The following ZNF730 variants were observed in gnomAD, a reference collection of about 807,000 sequenced individuals.
ZNF730 encodes putative zinc finger protein 730.
ZNF730 carries 12 observed loss-of-function variants against 12.6 expected under a neutral mutation model. That is an observed-to-expected ratio of 0.95 (90% CI 0.61 to 1.54). ZNF730 has a LOEUF of 1.54. Among genes scored for constraint, ZNF730 ranks in the 40% most tolerant of loss-of-function variants. The pLI is 0.00. For missense variants in ZNF730, 643 were observed against 583.5 expected, an observed-to-expected ratio of 1.10 and a Z score of -1.05; for synonymous variants, 194 against 195.8, an observed-to-expected ratio of 0.99 and a Z score of 0.08.
chr19:23,126,205 C>G (rs1009087065), intron 1 of ZNF730, among the ~76,000 whole-genome samples: 3 of 152,082 alleles, frequency 2.0e-5, no homozygotes, highest in African/African-American at 7.2e-5. Flanking sequence ...ACAATGCATT[C>G]TGAAAAGGTT....
chr19:23,113,265 C>A (rs1460187924), upstream of ZNF730, among the ~76,000 whole-genome samples: 4 of 152,202 alleles, frequency 2.6e-5, no homozygotes, highest in Middle Eastern at 3.4e-3. Context: ...CATGAGGACC[C>A]TGGTTAAAAA....
Position 23,117,286 on chromosome 19 carries a change from G to T in ZNF730, c.3+110G>T. 3 of 1,587,116 alleles carry T rather than the reference G, an allele frequency of 1.9e-6. No homozygotes were observed. In the South Asian group the frequency reaches 3.3e-5, roughly 18 times the overall value. On this transcript the variant is annotated intron_variant, in intron 1 of 3. Coordinates refer to ENST00000597761, the MANE Select transcript of ZNF730 (RefSeq NM_001277403.2). ...CCCCGCAGTCAGCTTCACAATCTGCGCCCAGAGTTCTTGCCCAGCTCGGCC... is the reference window on the plus strand; with the variant it reads ...CCCCGCAGTCAGCTTCACAATCTGCTCCCAGAGTTCTTGCCCAGCTCGGCC...
At chr19:23,078,873 C>T (rs962391917) in intron 1 of ZNF730, among the ~76,000 whole-genome samples, 4 of 151,978 alleles carry the variant, frequency 2.6e-5, no homozygotes, top group Non-Finnish European at 1.5e-5. Context: ...GGCACAATCT[C>T]GGCTCACTGC....
chr19:23,110,264 T>C (rs1970446562), intron 1 of ZNF730, among the ~76,000 whole-genome samples: 1 of 131,694 alleles, frequency 7.6e-6, no homozygotes, highest in African/African-American at 2.9e-5. Context: ...AGCCACCGTG[T>C]CTGGCCTCTT....
At chr19:23,115,333 T>G (rs1970505973), upstream of ZNF730, among the ~76,000 whole-genome samples, 1 of 152,202 alleles carries the variant, frequency 6.6e-6, no homozygotes, top group South Asian at 2.1e-4. Flanking sequence ...AAGAGTTGTA[T>G]AAACCACATA....
At chr19:23,100,630 CTTTTTTTTTTT>C (rs201462781) in intron 1 of ZNF730, among the ~76,000 whole-genome samples, 80 of 118,492 alleles carry the variant, frequency 6.8e-4, no homozygotes, top group Middle Eastern at 4.7e-3. Flanking sequence ...GATGGTGATT[CTTTTTTTTTTT>C]TTTTTTTTTT....
In ZNF730 at chr19:23,128,044, A is replaced by G. The variant is rs1425722713; in HGVS notation, c.4-6036A>G. ...GATCTGTGAAGGCCAAGTGGAGGTG[A>G]CTGGCAATGAATACAATGTGGAAAG... On this transcript the variant is annotated intron_variant, in intron 1 of 3. Coordinates refer to ENST00000597761, the MANE Select transcript of ZNF730 (RefSeq NM_001277403.2). 4 of 759,046 alleles carry G rather than the reference A, an allele frequency of 5.3e-6. No homozygotes were observed. In the African/African-American group the frequency reaches 6.8e-5, roughly 13 times the overall value. The allele number at this position is 759,046 out of a possible 1,614,324, so 47.0% of individuals were successfully genotyped here. A position where few individuals can be genotyped will look rare whatever the true frequency, so the allele number is the denominator to read the frequency against.
At chr19:23,084,432 C>T (rs1008052919) in intron 1 of ZNF730, among the ~76,000 whole-genome samples, 1 of 152,080 alleles carries the variant, frequency 6.6e-6, no homozygotes, top group African/African-American at 2.4e-5. Flanking sequence ...GAAACAAAAC[C>T]ATCTTTGAAA....
intron 1 of ZNF730, chr19:23,095,295 G>A (rs915705424): frequency 1.0e-5 from 4 of 398,228 alleles, no homozygotes; most frequent in East Asian, 3.6e-5. Context: ...GGCCTCACAC[G>A]TACGTTATGT....
At chr19:23,102,018 T>C (rs1448733106) in intron 1 of ZNF730, among the ~76,000 whole-genome samples, 1 of 152,216 alleles carries the variant, frequency 6.6e-6, no homozygotes, top group Admixed American at 6.5e-5. Flanking sequence ...TTAGGACATA[T>C]TATGAGGCCC....
intron 1 of ZNF730, among the ~76,000 whole-genome samples, chr19:23,132,154 TAG>T (rs927219619): frequency 2.7e-4 from 41 of 151,358 alleles, no homozygotes; most frequent in African/African-American, 9.7e-4. Flanking sequence ...CAGAAATGGG[TAG>T]AGTTTTTCTG....
At chr19:23,079,853 T>C (rs1568297954) in intron 1 of ZNF730, among the ~76,000 whole-genome samples, 1 of 152,228 alleles carries the variant, frequency 6.6e-6, no homozygotes, top group Non-Finnish European at 1.5e-5. Flanking sequence ...AGTGTGATTA[T>C]ACAGTGTCTC....
At chr19:23,089,827 C>T (rs1046337062) in intron 1 of ZNF730, among the ~76,000 whole-genome samples, 1 of 152,046 alleles carries the variant, frequency 6.6e-6, no homozygotes, top group African/African-American at 2.4e-5. Context: ...AACTGAGTAA[C>T]AGGCAAAGGT....
intron 1 of ZNF730, among the ~76,000 whole-genome samples, chr19:23,082,039 C>G (rs932882530): frequency 6.6e-6 from 1 of 152,294 alleles, no homozygotes; most frequent in Admixed American, 6.5e-5. Flanking sequence ...TGCCACCACA[C>G]CTGGACTTTG....
At chr19:23,106,044 C>T (rs1970388966) in intron 1 of ZNF730, among the ~76,000 whole-genome samples, 1 of 152,036 alleles carries the variant, frequency 6.6e-6, no homozygotes, top group Non-Finnish European at 1.5e-5. Context: ...AACCTATAAT[C>T]TCAGCATGTT....
intron 3 of ZNF730, among the ~76,000 whole-genome samples, chr19:23,139,009 T>C (rs1468385741): frequency 6.6e-6 from 1 of 152,118 alleles, no homozygotes; most frequent in East Asian, 1.9e-4. Flanking sequence ...ATTTTGTGTG[T>C]AATTTTAGAT....
In ZNF730 at chr19:23,138,099, C is replaced by T. The variant is rs1485240193; in HGVS notation, c.226+2056C>T. On this transcript the variant is annotated intron_variant, in intron 3 of 3. Transcript: ENST00000597761. ...GAGATCGAGACCATCCCGGCTAAAA[C>T]GGTGAAACCCCGTCTCTACTAAAAA... Among the ~76,000 whole-genome samples, 3 of 66,564 alleles carry T rather than the reference C, an allele frequency of 4.5e-5. 1 individual carries two copies. The highest frequency in any genetic ancestry group is 4.0e-5 in the African/African-American group (1 of 25,148). The allele number at this position is 66,564 out of a possible 152,430, so 43.7% of individuals were successfully genotyped here. A position where few individuals can be genotyped will look rare whatever the true frequency, so the allele number is the denominator to read the frequency against.
Position 23,145,969 on chromosome 19 carries a change from G to T in ZNF730, c.925G>T (p.Glu309Ter). 6.2e-7 allele frequency: 1 copy of T among 1,607,306 alleles called. No individual in the cohort carries two copies. The highest frequency in any genetic ancestry group is 8.5e-7 in the Non-Finnish European group (1 of 1,178,278). ...TGAACATAAGAAAATTCATACTAAAGAGCAACCATACAAATGCGAAAAATG... is the reference window on the plus strand; with the variant it reads ...TGAACATAAGAAAATTCATACTAAATAGCAACCATACAAATGCGAAAAATG... ...LTEHKKIHTK[E>*]QPYKCEKCGK... Residue 309 changes from glutamate to a stop codon, truncating the protein, a stop_gained, in exon 4 of 4, where the codon GAG becomes TAG. Transcript: ENST00000597761. LOFTEE classifies it low-confidence loss of function (END_TRUNC).
intron 1 of ZNF730, 128 bp downstream of exon 1, chr19:23,117,304 G>A: frequency 6.4e-7 from 1 of 1,555,250 alleles, no homozygotes; most frequent in Middle Eastern, 1.7e-4. Context: ...TTCTTGCCCA[G>A]CTCGGCCTCA....
Sources: gnomAD v4.1 joint callset for allele counts (sites outside exome capture counted in the v4.1 genomes callset) on GRCh38, gnomAD v4.1.1 for gene constraint, MANE v1.5 for transcripts, NCBI Gene and HGNC (gene_info 2026-07-23, HGNC 2026-07-21) for gene names.